The following NBAS variants were observed in gnomAD, a reference collection of about 807,000 sequenced individuals.
The protein encoded by NBAS is NAG/BC035112 fusion.
In NBAS, 219 loss-of-function variants were observed where a neutral mutation model predicts 302.5. That is an observed-to-expected ratio of 0.72 (90% CI 0.65 to 0.81). The LOEUF is 0.81. NBAS is among the 30% of genes least tolerant of loss of function. NBAS has a pLI of 0.00. For missense variants in NBAS, 2,932 were observed against 2,841.6 expected (o/e 1.03, Z -0.72); for synonymous variants, 1,118 against 1,021.6 (o/e 1.09, Z -1.80).
At chr2:15,125,300 C>T in the NBAS span, among the ~76,000 whole-genome samples, 1 of 152,114 alleles carries the variant, frequency 6.6e-6, no homozygotes, top group Non-Finnish European at 1.5e-5. Flanking sequence ...TCTAGGGGGG[C>T]CTCAAGAAGC....
the NBAS span, among the ~76,000 whole-genome samples, chr2:14,874,602 T>C: frequency 2.0e-5 from 3 of 146,982 alleles, no homozygotes; most frequent in African/African-American, 7.9e-5. Context: ...ATGGCGCCAC[T>C]GCACTCCAGC....
chr2:15,532,437 C>G (rs1468973875), intron 9 of NBAS, among the ~76,000 whole-genome samples: 1 of 143,462 alleles, frequency 7.0e-6, no homozygotes, highest in African/African-American at 2.6e-5. Context: ...TGCAGTGAGC[C>G]GAGATTGCGC....
intron 29 of NBAS, 43 bp from the exon 30 acceptor site, chr2:15,379,874 A>G (rs1674949045): frequency 6.4e-7 from 1 of 1,554,184 alleles, no homozygotes; most frequent in South Asian, 1.1e-5. Flanking sequence ...GAGAGGGAAG[A>G]TTCAGTTCTC....
chr2:14,936,056 G>A, the NBAS span, among the ~76,000 whole-genome samples: 2 of 152,076 alleles, frequency 1.3e-5, no homozygotes, highest in Admixed American at 6.5e-5. Flanking sequence ...CCATCTCCAC[G>A]CTGGCCCAGA....
the NBAS span, among the ~76,000 whole-genome samples, chr2:14,884,690 G>A: frequency 6.6e-6 from 1 of 152,166 alleles, no homozygotes; most frequent in African/African-American, 2.4e-5. Context: ...TCAGGGAGCT[G>A]ACATTCCAAT....
chr2:15,032,204 C>T, the NBAS span, among the ~76,000 whole-genome samples: 40 of 152,234 alleles, frequency 2.6e-4, no homozygotes, highest in East Asian at 5.8e-4. Context: ...AGTGGGGTGC[C>T]GCTGTAACAG....
chr2:15,172,475 T>C (rs1664344849), intron 51 of NBAS, among the ~76,000 whole-genome samples: 1 of 152,228 alleles, frequency 6.6e-6, no homozygotes, highest in Non-Finnish European at 1.5e-5. Context: ...AGTTTTACAC[T>C]TTCATATTGT....
chr2:15,549,766 A>C (rs1173688039), intron 6 of NBAS, among the ~76,000 whole-genome samples: 1 of 152,064 alleles, frequency 6.6e-6, no homozygotes, highest in East Asian at 1.9e-4. Context: ...TATATAAATA[A>C]ATAAACAGGC....
rs754477492 is a variant in NBAS at position 15,474,056 on chromosome 2, T to C, written c.1599+11A>G. 1.2e-6 allele frequency: 2 copies of C among 1,614,192 alleles called. No homozygotes were observed. Among genetic ancestry groups the C allele is most frequent in the East Asian group, 4.5e-5 (2 of 44,880 alleles). On this transcript the variant is annotated intron_variant, in intron 15 of 51. Coordinates refer to ENST00000281513, the MANE Select transcript of NBAS (RefSeq NM_015909.4). ...ACTTCAAACTTGGGTAGTAATATGC[T>C]ACTCTCTCACCTTCCTCTGATAAAG...
intron 44 of NBAS, among the ~76,000 whole-genome samples, chr2:15,246,682 G>A (rs1015013848): frequency 1.3e-5 from 2 of 152,192 alleles, no homozygotes; most frequent in African/African-American, 4.8e-5. Flanking sequence ...GTTTGCCATT[G>A]GGACAATGCC....
Position 15,374,611 on chromosome 2 carries a change from G to C in NBAS, c.3700C>G (p.Gln1234Glu), listed in dbSNP as rs1370659285. 6.2e-7 allele frequency: 1 copy of C among 1,611,780 alleles called. No homozygotes were observed. Among genetic ancestry groups the C allele is most frequent in the Non-Finnish European group, 8.5e-7 (1 of 1,178,100 alleles). Reference protein sequence around the residue: ...EEFGVKILPLQVRLCPDRISL... With the variant: ...EEFGVKILPLEVRLCPDRISL... Reference sequence around the variant, plus strand: ...CAACAGTAAGTAGAAAACTCACCTTGCAAAGGCAGGATCTTTACCCCAAAT... The same window carrying C: ...CAACAGTAAGTAGAAAACTCACCTTCCAAAGGCAGGATCTTTACCCCAAAT... Residue 1234 changes from glutamine (Q) to glutamate (E), a missense_variant, in exon 31 of 52, where the codon CAA becomes GAA. Physicochemically the swap from Gln to Glu is conservative, Grantham distance 29. Coordinates refer to ENST00000281513, the MANE Select transcript of NBAS (RefSeq NM_015909.4).
At chr2:15,054,142 C>T in the NBAS span, among the ~76,000 whole-genome samples, 3 of 152,268 alleles carry the variant, frequency 2.0e-5, no homozygotes, top group South Asian at 2.1e-4. Flanking sequence ...TCTCAACATG[C>T]GACAGCCACT....
At chr2:14,788,503 T>C in the NBAS span, among the ~76,000 whole-genome samples, 2 of 152,176 alleles carry the variant, frequency 1.3e-5, no homozygotes, top group Non-Finnish European at 1.5e-5. Flanking sequence ...GTTTTTGGTG[T>C]GGATGTCCTT....
At chr2:15,119,278 A>G in the NBAS span, among the ~76,000 whole-genome samples, 1 of 151,666 alleles carries the variant, frequency 6.6e-6, no homozygotes, top group Non-Finnish European at 1.5e-5. Flanking sequence ...AATAAATAAA[A>G]ACTAACAATT....
chr2:15,111,623 G>C, the NBAS span, among the ~76,000 whole-genome samples: 2 of 151,990 alleles, frequency 1.3e-5, no homozygotes, highest in East Asian at 3.9e-4. Flanking sequence ...TGAAATCTCA[G>C]AATTAATGAG....
At chr2:15,390,746 A>G (rs11684395) in intron 28 of NBAS, among the ~76,000 whole-genome samples, 92,073 of 152,010 alleles carry the variant, frequency 0.61, 28,871 homozygotes, top group Non-Finnish European at 0.68. Context: ...AATTTTTTAA[A>G]AAAGAAAATT....
chr2:15,178,174 T>TA (rs1261767497), intron 51 of NBAS: 3 of 470,030 alleles, frequency 6.4e-6, no homozygotes, highest in African/African-American at 2.0e-5. Context: ...CATTTTTGTT[T>TA]AAAAAAATAG....
At position 15,316,627 on chromosome 2, in the gene NBAS, G is replaced by A. The variant is rs143253544; in HGVS notation, c.4583-7380C>T. ...CCATGGAGCCTTGCTCACTGCTAGCGCAGCAGTCTGAGCTAGAACTGTGAG... is the reference window on the plus strand; with the variant it reads ...CCATGGAGCCTTGCTCACTGCTAGCACAGCAGTCTGAGCTAGAACTGTGAG... On this transcript the variant is annotated intron_variant, in intron 38 of 51. Transcript: ENST00000281513. 7.6e-3 allele frequency among the ~76,000 whole-genome samples: 1,163 copies of A among 152,338 alleles called. 21 individuals are homozygous for A. Among genetic ancestry groups the A allele is most frequent in the African/African-American group, 0.027 (1,107 of 41,578 alleles).
chr2:15,308,305 A>G lies in NBAS; in HGVS notation c.4708T>C (p.Ser1570Pro). The G allele has an allele frequency of 6.2e-7, 1 of 1,614,182 alleles. No homozygotes were observed. Among genetic ancestry groups the G allele is most frequent in the African/African-American group, 1.3e-5 (1 of 75,060 alleles). The change falls in exon 40 of 52, where the codon TCT (serine) becomes CCT (proline). Residue 1570 changes from serine (S) to proline (P), a missense_variant. Coordinates refer to ENST00000281513, the MANE Select transcript of NBAS (RefSeq NM_015909.4). ...CFEKQSPSAL[S>P]LQLAAYYYSL... ...TAGTAATACGCTGCCAGCTGGAGAGATAATGCAGAGGGGGACTGCTTTTCA... is the reference window on the plus strand; with the variant it reads ...TAGTAATACGCTGCCAGCTGGAGAGGTAATGCAGAGGGGGACTGCTTTTCA...
Sources: allele counts gnomAD v4.1 joint callset (sites outside exome capture counted in the v4.1 genomes callset), GRCh38; gene constraint gnomAD v4.1.1; transcripts MANE v1.5; gene names NCBI Gene and HGNC (gene_info 2026-07-23, HGNC 2026-07-21).